EIF2AK4: variants seen among roughly 807,000 people sequenced by gnomAD.
The protein encoded by EIF2AK4 is eukaryotic translation initiation factor 2 alpha kinase 4.
A neutral mutation model predicts 211.1 loss-of-function variants in EIF2AK4; 139 were observed. The ratio of observed to expected loss-of-function variants is 0.66; its 90% CI spans 0.57 to 0.76. The LOEUF is 0.76. Ranked by LOEUF, EIF2AK4 falls within the 30% of genes least tolerant of loss-of-function variation. The probability of loss-of-function intolerance (pLI) is 0.00; values close to 1 mark genes in which losing one functional copy is unlikely to be tolerated. For missense variants in EIF2AK4, 1,664 were observed against 2,043.8 expected, an observed-to-expected ratio of 0.81 and a Z score of 3.58; for synonymous variants, 710 against 751.3, an observed-to-expected ratio of 0.94 and a Z score of 0.90.
In EIF2AK4 at chr15:39,976,797, G is replaced by GGAC. The variant is rs377237751; in HGVS notation, c.2211_2213dup (p.Asp737dup). 4.4e-6 allele frequency: 7 copies of GGAC among 1,574,326 alleles called. No individual in the cohort carries two copies. Among genetic ancestry groups the GGAC allele is most frequent in the South Asian group, 2.3e-5 (2 of 85,466 alleles). ...CCGGCCCGGGCTCCAGCGATGACGAGGACGACGACGAGGACGAGCACGGTG... is the reference window on the plus strand; with the variant it reads ...CCGGCCCGGGCTCCAGCGATGACGAGGACGACGACGACGAGGACGAGCACGGTG... On this transcript the variant is annotated inframe_insertion, in exon 12 of 39. Coordinates refer to ENST00000263791, the MANE Select transcript of EIF2AK4 (RefSeq NM_001013703.4).
In EIF2AK4 at chr15:39,976,764, C is replaced by T. The variant is rs2034700784; in HGVS notation, c.2169C>T (p.Phe723=). 6.3e-7 allele frequency: 1 copy of T among 1,596,184 alleles called. No individual in the cohort carries two copies. The highest frequency in any genetic ancestry group is 1.4e-5 in the African/African-American group (1 of 73,324). Residue 723 remains phenylalanine (F), a synonymous_variant, in exon 12 of 39, where the codon TTC becomes TTT. Transcript: ENST00000263791. ...GCGAGCGCTCGGCCAGTGCCCGTTT[C>T]CCCGCCACCGGCCCGGGCTCCAGCG... ...TSGERSASAR[F]PATGPGSSDD...
chr15:39,956,004 C>CTTTT, intron 6 of EIF2AK4, among the ~76,000 whole-genome samples: 1 of 103,510 alleles, frequency 9.7e-6, no homozygotes, highest in East Asian at 3.3e-4. Flanking sequence ...TGCTCATTCC[C>CTTTT]TTTTTTTTTT....
At chr15:39,936,892 C>G (rs1165873083) in intron 1 of EIF2AK4, among the ~76,000 whole-genome samples, 1 of 152,164 alleles carries the variant, frequency 6.6e-6, no homozygotes, top group African/African-American at 2.4e-5. Flanking sequence ...AACACTATAA[C>G]TAACCTCATG....
intron 2 of EIF2AK4, among the ~76,000 whole-genome samples, chr15:39,940,672 A>G (rs189144565): frequency 1.8e-4 from 28 of 152,306 alleles, no homozygotes; most frequent in African/African-American, 6.3e-4. Context: ...AAATTAAAAG[A>G]GTGCCTCTCT....
intron 31 of EIF2AK4, chr15:40,022,214 G>GT: frequency 4.3e-6 from 1 of 232,440 alleles, no homozygotes; most frequent in Non-Finnish European, 8.2e-6. Flanking sequence ...GTGTGTGTGT[G>GT]TATGTTGTGT....
intron 6 of EIF2AK4, among the ~76,000 whole-genome samples, chr15:39,959,929 C>T (rs1022872835): frequency 2.6e-5 from 4 of 152,010 alleles, no homozygotes; most frequent in African/African-American, 9.7e-5. Context: ...TTTGGGAGGC[C>T]AAGGCGGGCA....
chr15:40,019,146 G>A lies in EIF2AK4; in HGVS notation c.4119G>A (p.Gly1373=), dbSNP rs1207360257. 1.2e-6 allele frequency: 2 copies of A among 1,607,092 alleles called. No homozygotes were observed. The highest frequency in any genetic ancestry group is 1.7e-5 in the Admixed American group (1 of 59,172). ...QALGPVPTAI[G]VSIAIDKISA... ...TGGGGCCAGTTCCCACTGCCATTGG[G>A]GTCAGCATAGCTATAGACAAGATAT... Residue 1373 remains glycine (G), a synonymous_variant, in exon 30 of 39, where the codon GGG becomes GGA. Coordinates refer to ENST00000263791, the MANE Select transcript of EIF2AK4 (RefSeq NM_001013703.4).
rs1327149320 is a variant in EIF2AK4, at chr15:40,034,346, AT to A, written c.4797del (p.Phe1599LeufsTer5). ...CCTAGTGGGATGCTGATGAACAGGC[AT>A]TTAACACAACTGTGAAGCAGCTGCT... ...SLEWDADEQA[F>X]NTTVKQLLSR... On this transcript the variant is annotated frameshift_variant, in exon 38 of 39. Coordinates refer to ENST00000263791, the MANE Select transcript of EIF2AK4 (RefSeq NM_001013703.4). LOFTEE classifies it high-confidence loss of function. The A allele has an allele frequency of 6.2e-7, 1 of 1,614,120 alleles. No homozygotes were observed. Among genetic ancestry groups the A allele is most frequent in the East Asian group, 2.2e-5 (1 of 44,876 alleles).
rs1379784891 is a variant in EIF2AK4, at chr15:39,987,979, A to G, written c.2404-4A>G. ...TCAAATTCTCCTGGTTTGTCTGTATATAGATGGAGTACTGTGAGAAGAGCA... is the reference window on the plus strand; with the variant it reads ...TCAAATTCTCCTGGTTTGTCTGTATGTAGATGGAGTACTGTGAGAAGAGCA... On this transcript the variant is annotated splice_region_variant and splice_polypyrimidine_tract_variant and intron_variant, in intron 14 of 38. Coordinates refer to ENST00000263791, the MANE Select transcript of EIF2AK4 (RefSeq NM_001013703.4). The G allele has an allele frequency of 6.2e-7, 1 of 1,613,978 alleles. No individual in the cohort carries two copies. The highest frequency in any genetic ancestry group is 8.5e-7 in the Non-Finnish European group (1 of 1,179,976).
Position 39,976,797 on chromosome 15 carries a change from G to GGACGACGACGAC in EIF2AK4, c.2213_2214insCGACGACGACGA (p.Asp737_Glu738insAspAspAspAsp). Reference sequence around the variant, plus strand: ...CCGGCCCGGGCTCCAGCGATGACGAGGACGACGACGAGGACGAGCACGGTG... The same window carrying GGACGACGACGAC: ...CCGGCCCGGGCTCCAGCGATGACGAGGACGACGACGACGACGACGACGAGGACGAGCACGGTG... On this transcript the variant is annotated inframe_insertion, in exon 12 of 39. Transcript: ENST00000263791. 6.4e-7 allele frequency: 1 copy of GGACGACGACGAC among 1,574,414 alleles called. No homozygotes were observed. Among genetic ancestry groups the GGACGACGACGAC allele is most frequent in the East Asian group, 2.3e-5 (1 of 42,720 alleles).
At chr15:39,980,684 C>T (rs2034769461) in intron 13 of EIF2AK4, among the ~76,000 whole-genome samples, 1 of 152,088 alleles carries the variant, frequency 6.6e-6, no homozygotes, top group African/African-American at 2.4e-5. Context: ...AATGCAACAA[C>T]TTTATTACTA....
rs1236028036 is a variant in EIF2AK4, at chr15:39,956,005, T to G, written c.743+237T>G. Among the ~76,000 whole-genome samples, 3 of 15,854 alleles carry G rather than the reference T, an allele frequency of 1.9e-4. No individual in the cohort carries two copies. In the South Asian group the frequency reaches 0.023, roughly 124 times the overall value. The allele number at this position is 15,854 out of a possible 152,430, so 10.4% of individuals were successfully genotyped here. Reference sequence around the variant, plus strand: ...GAATCTAGTTTTGTTGCTCATTCCCTTTTTTTTTTTTTTTTTTTGAGACGG... The same window carrying G: ...GAATCTAGTTTTGTTGCTCATTCCCGTTTTTTTTTTTTTTTTTTGAGACGG... On this transcript the variant is annotated intron_variant, in intron 6 of 38. Transcript: ENST00000263791.
rs2034889218 is a variant in EIF2AK4 at position 39,987,993 on chromosome 15, G to A, written c.2414G>A (p.Cys805Tyr). Reference sequence around the variant, plus strand: ...TTTGTCTGTATATAGATGGAGTACTGTGAGAAGAGCACTTTACGAGACACC... The same window carrying A: ...TTTGTCTGTATATAGATGGAGTACTATGAGAAGAGCACTTTACGAGACACC... ...VHYLYIQMEY[C>Y]EKSTLRDTID... The change falls in exon 15 of 39, where the codon TGT (cysteine) becomes TAT (tyrosine). Residue 805 changes from cysteine (C) to tyrosine (Y), a missense_variant. By Grantham distance (194) the Cys-to-Tyr change is radical. Transcript: ENST00000263791. 2 of 1,614,058 alleles carry A rather than the reference G, an allele frequency of 1.2e-6. No homozygotes were observed. The highest frequency in any genetic ancestry group is 2.7e-5 in the African/African-American group (2 of 74,938).
At chr15:39,957,952 G>A (rs1348691949) in intron 6 of EIF2AK4, among the ~76,000 whole-genome samples, 5 of 152,334 alleles carry the variant, frequency 3.3e-5, no homozygotes, top group African/African-American at 9.6e-5. Flanking sequence ...TGGAAAGAAC[G>A]TAAAGGCCTG....
Position 40,032,763 on chromosome 15 carries a change from C to A in EIF2AK4, c.4735C>A (p.Leu1579Ile), listed in dbSNP as rs1567012211. 2 of 1,613,592 alleles carry A rather than the reference C, an allele frequency of 1.2e-6. No homozygotes were observed. Among genetic ancestry groups the A allele is most frequent in the Non-Finnish European group, 1.7e-6 (2 of 1,179,786 alleles). Residue 1579 changes from leucine to isoleucine, a missense_variant, in exon 37 of 39, where the codon CTA becomes ATA. Coordinates refer to ENST00000263791, the MANE Select transcript of EIF2AK4 (RefSeq NM_001013703.4). ...SSEIEILAVD[L>I]PKETILQFLS... The stretch of plus-strand genomic sequence containing the variant: ...CATTTGTGTGTATTCACAGGTGGAT[C>A]TACCCAAAGAAACAATATTACAGTT...
intron 4 of EIF2AK4, 145 bp downstream of exon 4, chr15:39,949,413 T>G: frequency 1.7e-6 from 2 of 1,192,984 alleles, no homozygotes; most frequent in Non-Finnish European, 2.3e-6. Context: ...TGTGAGAGTA[T>G]GAAAAATATG....
chr15:39,947,558 A>T (rs927833137), intron 3 of EIF2AK4, among the ~76,000 whole-genome samples: 1 of 152,246 alleles, frequency 6.6e-6, no homozygotes, highest in Non-Finnish European at 1.5e-5. Flanking sequence ...GTGCTATTCC[A>T]GCACTGGGAA....
At chr15:40,017,501 C>CTATATATATATA (rs202237104) in intron 29 of EIF2AK4, among the ~76,000 whole-genome samples, 23 of 26,030 alleles carry the variant, frequency 8.8e-4, no homozygotes, top group South Asian at 2.6e-3. Flanking sequence ...TACTCTGTTT[C>CTATATATATATA]TATATATATA....
At position 39,955,670 on chromosome 15, in the gene EIF2AK4, G is replaced by C; in HGVS notation, c.645G>C (p.Lys215Asn). The C allele has an allele frequency of 1.2e-6, 2 of 1,612,148 alleles. No individual in the cohort carries two copies. Among genetic ancestry groups the C allele is most frequent in the Non-Finnish European group, 1.7e-6 (2 of 1,179,478 alleles). Residue 215 changes from lysine to asparagine, a missense_variant, in exon 6 of 39, where the codon AAG becomes AAC. By Grantham distance (94) the Lys-to-Asn change is moderately conservative. Coordinates refer to ENST00000263791, the MANE Select transcript of EIF2AK4 (RefSeq NM_001013703.4). ...CAAACCAAGATCATACCTCTAAGAA[G>C]GACCCAGGAGGACACAGAACGGCTG... is the stretch of plus-strand genomic sequence containing the variant. ...SLSNQDHTSKKDPGGHRTAAI... is the reference protein window; with the variant it reads ...SLSNQDHTSKNDPGGHRTAAI...
Sources: allele counts gnomAD v4.1 joint callset (sites outside exome capture counted in the v4.1 genomes callset), GRCh38; gene constraint gnomAD v4.1.1; transcripts MANE v1.5; gene names NCBI Gene and HGNC (gene_info 2026-07-23, HGNC 2026-07-21).